Variants in RNLS observed in about 807,000 individuals in gnomAD.
RNLS encodes the protein renalase, FAD dependent amine oxidase, also known as renalase.
In RNLS, 39 loss-of-function variants were observed where a neutral mutation model predicts 39.8. That is an observed-to-expected ratio of 0.98 (90% CI 0.76 to 1.28). The LOEUF is 1.28. Among genes scored for constraint, RNLS ranks in the 50% most tolerant of loss-of-function variants. RNLS has a pLI of 0.00. For missense variants in RNLS, 410 were observed against 413.3 expected, an observed-to-expected ratio of 0.99 and a Z score of 0.07; for synonymous variants, 147 against 150.7, an observed-to-expected ratio of 0.98 and a Z score of 0.18.
At chr10:88,483,096 G>C (rs1180901882) in intron 4 of RNLS, among the ~76,000 whole-genome samples, 1 of 152,114 alleles carries the variant, frequency 6.6e-6, no homozygotes, top group Non-Finnish European at 1.5e-5. Context: ...TTAATGGGCA[G>C]CCAATGATTG....
the RNLS span, among the ~76,000 whole-genome samples, chr10:88,267,285 A>C: frequency 1.3e-5 from 2 of 152,176 alleles, no homozygotes; most frequent in African/African-American, 2.4e-5. Context: ...GATGCTATAA[A>C]GCAAAAGGAG....
the RNLS span, among the ~76,000 whole-genome samples, chr10:88,190,922 G>T: frequency 6.6e-6 from 1 of 152,216 alleles, no homozygotes; most frequent in Non-Finnish European, 1.5e-5. Context: ...TCCAACGTGG[G>T]TCTTGTCCAG....
At chr10:88,520,702 T>G (rs1174901961) in intron 4 of RNLS, among the ~76,000 whole-genome samples, 1 of 152,020 alleles carries the variant, frequency 6.6e-6, no homozygotes. Flanking sequence ...AACCTCCTCC[T>G]GGAGGAAAAG....
chr10:88,344,334 A>G (rs1371236672), intron 5 of RNLS, among the ~76,000 whole-genome samples: 1 of 152,170 alleles, frequency 6.6e-6, no homozygotes, highest in African/African-American at 2.4e-5. Context: ...TGAAAAATTG[A>G]GACTAAGCAG....
intron 1 of RNLS, among the ~76,000 whole-genome samples, chr10:88,582,728 A>T (rs1850673603): frequency 6.6e-6 from 1 of 152,120 alleles, no homozygotes; most frequent in Admixed American, 6.5e-5. Context: ...CAAGACAAAA[A>T]ATCTATTTAT....
chr10:88,379,349 T>TAATA (rs1851272797), intron 4 of RNLS, among the ~76,000 whole-genome samples: 1 of 152,202 alleles, frequency 6.6e-6, no homozygotes, highest in South Asian at 2.1e-4. Flanking sequence ...GCCAGTTTAA[T>TAATA]AATATTTTGA....
In RNLS at chr10:88,582,244, T is replaced by G. The variant is rs1166792348; in HGVS notation, c.182A>C (p.Gln61Pro). The G allele has an allele frequency of 3.7e-6, 6 of 1,614,126 alleles. No homozygotes were observed. The highest frequency in any genetic ancestry group is 5.1e-6 in the Non-Finnish European group (6 of 1,180,004). ...ATAATGAGGAGTGCAGGTGATGTAC[T>G]GAGCACCCAAGTCAGCTGTGCACTG... is the stretch of plus-strand genomic sequence containing the variant. The part of the protein sequence containing the change: ...NPQCTADLGA[Q>P]YITCTPHYAK... Residue 61 changes from glutamine to proline, a missense_variant, in exon 2 of 7, where the codon CAG becomes CCG. Gln to Pro is a moderately conservative substitution (Grantham distance 76). Transcript: ENST00000331772.
intron 4 of RNLS, among the ~76,000 whole-genome samples, chr10:88,547,819 T>C (rs952444457): frequency 1.3e-5 from 2 of 152,190 alleles, no homozygotes; most frequent in African/African-American, 2.4e-5. Context: ...TTTATAGACA[T>C]GTTGATTGGC....
chr10:88,362,628 G>A lies in RNLS; in HGVS notation c.624C>T (p.Val208=). 3 of 1,613,898 alleles carry A rather than the reference G, an allele frequency of 1.9e-6. No individual in the cohort carries two copies. The highest frequency in any genetic ancestry group is 2.5e-6 in the Non-Finnish European group (3 of 1,179,922). ...LFYEAGTKID[V]PWAGQYITSN... is the part of the protein sequence containing the mutation. ...TGGTGATGTACTGCCCAGCCCAAGG[G>A]ACATCAATCTTCGTACCAGCTTCAT... is the stretch of plus-strand genomic sequence containing the variant. Residue 208 remains valine (V), a synonymous_variant, in exon 5 of 7, where the codon GTC becomes GTT. Coordinates refer to ENST00000331772, the MANE Select transcript of RNLS (RefSeq NM_001031709.3).
At chr10:88,222,854 T>C in the RNLS span, among the ~76,000 whole-genome samples, 7 of 152,076 alleles carry the variant, frequency 4.6e-5, no homozygotes, top group African/African-American at 1.7e-4. Flanking sequence ...TTCGAGGGAG[T>C]CACACAGCAA....
At chr10:88,389,039 G>A (rs12573401) in intron 4 of RNLS, among the ~76,000 whole-genome samples, 5,314 of 152,208 alleles carry the variant, frequency 0.035, 225 homozygotes, top group African/African-American at 0.092. Flanking sequence ...GATAGTAGCT[G>A]CCATCATCTG....
At chr10:88,189,841 T>C in the RNLS span, among the ~76,000 whole-genome samples, 1 of 152,238 alleles carries the variant, frequency 6.6e-6, no homozygotes, top group Non-Finnish European at 1.5e-5. Flanking sequence ...CTGTGTTGTT[T>C]TAAAGGAGTA....
At chr10:88,493,398 T>C (rs1265890925) in intron 4 of RNLS, among the ~76,000 whole-genome samples, 1 of 152,058 alleles carries the variant, frequency 6.6e-6, no homozygotes, top group Non-Finnish European at 1.5e-5. Flanking sequence ...AGAAATCATA[T>C]ATAAGAACAG....
intron 4 of RNLS, among the ~76,000 whole-genome samples, chr10:88,480,374 G>A (rs1844083155): frequency 1.3e-5 from 2 of 152,208 alleles, no homozygotes; most frequent in Non-Finnish European, 2.9e-5. Context: ...AAGATCATAA[G>A]TCAAGTTTCT....
At chr10:88,531,334 G>C (rs541900936) in intron 4 of RNLS, among the ~76,000 whole-genome samples, 1 of 150,190 alleles carries the variant, frequency 6.7e-6, no homozygotes, top group Admixed American at 6.6e-5. Context: ...GCAACTATAA[G>C]GGAATGTTTT....
intron 4 of RNLS, among the ~76,000 whole-genome samples, chr10:88,500,486 G>A (rs1323028604): frequency 6.6e-6 from 1 of 152,106 alleles, no homozygotes; most frequent in Non-Finnish European, 1.5e-5. Flanking sequence ...GGTTGTGAAC[G>A]TTTCTCTAAT....
chr10:88,510,572 T>C (rs781066093), intron 4 of RNLS, among the ~76,000 whole-genome samples: 2 of 152,042 alleles, frequency 1.3e-5, no homozygotes, highest in African/African-American at 4.8e-5. Context: ...AGATAAGTAA[T>C]AGTTAATATT....
chr10:88,205,809 T>C, the RNLS span, among the ~76,000 whole-genome samples: 1 of 152,132 alleles, frequency 6.6e-6, no homozygotes, highest in Non-Finnish European at 1.5e-5. Context: ...GAGAATATCA[T>C]GTATACCCTG....
At chr10:88,529,463 TTCTC>T (rs748129720) in intron 4 of RNLS, among the ~76,000 whole-genome samples, 1 of 152,168 alleles carries the variant, frequency 6.6e-6, no homozygotes, top group African/African-American at 2.4e-5. Context: ...CCTTTCCTCT[TTCTC>T]TCTCTCAGCT....
Sources: allele counts gnomAD v4.1 joint callset (sites outside exome capture counted in the v4.1 genomes callset), GRCh38; gene constraint gnomAD v4.1.1; transcripts MANE v1.5; gene names NCBI Gene and HGNC (gene_info 2026-07-23, HGNC 2026-07-21).